Variants in PAK1 observed in about 807,000 individuals in gnomAD.
The protein encoded by PAK1 is serine/threonine-protein kinase PAK 1.
A neutral mutation model predicts 67.4 loss-of-function variants in PAK1; 29 were observed. That is an observed-to-expected ratio of 0.43 (90% CI 0.32 to 0.59). PAK1 has a LOEUF of 0.59. Ranked by LOEUF, PAK1 falls within the 20% of genes least tolerant of loss-of-function variation. PAK1 has a pLI of 0.07. For synonymous variants in PAK1, 223 were observed against 237.4 expected, an observed-to-expected ratio of 0.94 and a Z score of 0.56; for missense variants, 337 against 670.7, an observed-to-expected ratio of 0.50 and a Z score of 5.50.
At chr11:77,430,552 G>A (rs1031640441) in intron 1 of PAK1, among the ~76,000 whole-genome samples, 1 of 152,168 alleles carries the variant, frequency 6.6e-6, no homozygotes, top group African/African-American at 2.4e-5. Context: ...GGACCAATGT[G>A]ACCCACACTA....
chr11:77,490,510 G>A, the PAK1 span, among the ~76,000 whole-genome samples: 2 of 148,886 alleles, frequency 1.3e-5, no homozygotes, highest in Non-Finnish European at 3.0e-5. Context: ...GGAGGTGGGG[G>A]GTCAGCCCCA....
At chr11:77,408,515 G>A (rs1267376122) in intron 1 of PAK1, among the ~76,000 whole-genome samples, 1 of 145,440 alleles carries the variant, frequency 6.9e-6, no homozygotes, top group African/African-American at 2.6e-5. Context: ...TAAATTAGTA[G>A]AGCCACTATG....
chr11:77,416,723 G>A (rs1212511681), intron 1 of PAK1, among the ~76,000 whole-genome samples: 1 of 152,226 alleles, frequency 6.6e-6, no homozygotes, highest in Admixed American at 6.5e-5. Flanking sequence ...GGAGGCCAAG[G>A]TGGGCGGATC....
At chr11:77,510,632 C>T in the PAK1 span, among the ~76,000 whole-genome samples, 268 of 152,294 alleles carry the variant, frequency 1.8e-3, no homozygotes, top group African/African-American at 6.1e-3. Context: ...TTTGTCTCTA[C>T]GGTTGACCAA....
At chr11:77,485,554 C>T in the PAK1 span, among the ~76,000 whole-genome samples, 1 of 152,182 alleles carries the variant, frequency 6.6e-6, no homozygotes, top group Non-Finnish European at 1.5e-5. Context: ...CAGCTCACTG[C>T]AACCTCTGCC....
chr11:77,444,362 A>G (rs1010372009), intron 1 of PAK1, among the ~76,000 whole-genome samples: 2 of 151,392 alleles, frequency 1.3e-5, no homozygotes, highest in African/African-American at 4.9e-5. Flanking sequence ...TATTTGGTCC[A>G]GGGTGGGACG....
intron 9 of PAK1, among the ~76,000 whole-genome samples, chr11:77,348,882 G>C (rs2136368572): frequency 6.6e-6 from 1 of 152,226 alleles, no homozygotes; most frequent in East Asian, 1.9e-4. Flanking sequence ...CTAGCCCTTT[G>C]GGAGGCCGAG....
At chr11:77,350,902 T>A (rs984483079) in intron 8 of PAK1, among the ~76,000 whole-genome samples, 2 of 152,082 alleles carry the variant, frequency 1.3e-5, no homozygotes, top group Non-Finnish European at 2.9e-5. Context: ...CCTATCCCCA[T>A]CCCTTCCTGA....
At chr11:77,468,241 CA>C (rs1369351983) in intron 1 of PAK1, among the ~76,000 whole-genome samples, 1 of 152,154 alleles carries the variant, frequency 6.6e-6, no homozygotes, top group African/African-American at 2.4e-5. Flanking sequence ...ACTCCAGGAA[CA>C]AAAGCCAAGA....
chr11:77,441,366 T>C (rs1264807365), intron 1 of PAK1, among the ~76,000 whole-genome samples: 1 of 152,232 alleles, frequency 6.6e-6, no homozygotes, highest in East Asian at 1.9e-4. Flanking sequence ...AACCCATTTC[T>C]TTTCACTGAG....
Position 77,365,725 on chromosome 11 carries a change from C to T in PAK1, c.478-6708G>A, listed in dbSNP as rs369317256. On this transcript the variant is annotated intron_variant, in intron 5 of 14. Coordinates refer to ENST00000356341, the MANE Select transcript of PAK1 (RefSeq NM_002576.5). The stretch of plus-strand genomic sequence containing the variant: ...GCATGCACCTGAAATCCCAGCTACT[C>T]GGGCGGCTGAGGCAAGAGAATCGCC... 1.2e-4 allele frequency among the ~76,000 whole-genome samples: 18 copies of T among 152,008 alleles called. 1 individual carries two copies. In the East Asian group the frequency reaches 1.9e-3, roughly 16 times the overall value.
At chr11:77,374,140 T>A (rs186244193) in intron 5 of PAK1, among the ~76,000 whole-genome samples, 188 bp downstream of exon 5, 1 of 152,170 alleles carries the variant, frequency 6.6e-6, no homozygotes, top group Non-Finnish European at 1.5e-5. Context: ...TCTAGGACAT[T>A]AAAGCTGAAA....
rs754801495 is a variant in PAK1, at chr11:77,337,256, T to C, written c.1216+68A>G. On this transcript the variant is annotated intron_variant, in intron 12 of 14. Transcript: ENST00000356341. ...GAGTGTCGTAGTTACTATTATATGATGACCATCTCACAGGAGACAGGGCCC... is the reference window on the plus strand; with the variant it reads ...GAGTGTCGTAGTTACTATTATATGACGACCATCTCACAGGAGACAGGGCCC... 8.3e-5 allele frequency: 61 copies of C among 732,160 alleles called. No homozygotes were observed. The Middle Eastern group carries it at 1.2e-3, about 14-fold the overall frequency. 45.4% of individuals were successfully genotyped at this position (732,160 alleles called of 1,614,324 possible). A position where few individuals can be genotyped will look rare whatever the true frequency, so the allele number is the denominator to read the frequency against.
At chr11:77,482,421 G>GAT in the PAK1 span, among the ~76,000 whole-genome samples, 5 of 152,008 alleles carry the variant, frequency 3.3e-5, no homozygotes, top group Admixed American at 2.0e-4. Flanking sequence ...CCTTAAAAAA[G>GAT]ATATATATAA....
At chr11:77,348,820 A>T (rs1944812095) in intron 9 of PAK1, among the ~76,000 whole-genome samples, 1 of 152,150 alleles carries the variant, frequency 6.6e-6, no homozygotes, top group East Asian at 1.9e-4. Context: ...TGTATGCTAC[A>T]GTAAGAAACT....
intron 5 of PAK1, among the ~76,000 whole-genome samples, chr11:77,370,739 A>C (rs908679240): frequency 1.3e-5 from 2 of 152,216 alleles, no homozygotes; most frequent in Non-Finnish European, 2.9e-5. Flanking sequence ...TCTTTTCTGA[A>C]ATTAAGAAAT....
intron 1 of PAK1, among the ~76,000 whole-genome samples, chr11:77,420,323 T>G (rs1955192216): frequency 6.6e-6 from 1 of 152,202 alleles, no homozygotes; most frequent in South Asian, 2.1e-4. Context: ...TTATTGAACA[T>G]ATTCTACATG....
the PAK1 span, among the ~76,000 whole-genome samples, chr11:77,490,495 G>A: frequency 1.3e-5 from 2 of 149,046 alleles, no homozygotes; most frequent in Non-Finnish European, 3.0e-5. Context: ...CGCCCCGTCC[G>A]GGAGGGAGGT....
chr11:77,495,181 TTTAAA>T, the PAK1 span, among the ~76,000 whole-genome samples: 1 of 143,356 alleles, frequency 7.0e-6, no homozygotes, highest in Admixed American at 7.0e-5. Context: ...AAAATTTTTT[TTTAAA>T]TTAGAGGCCA....
Sources: gnomAD v4.1 joint callset for allele counts (sites outside exome capture counted in the v4.1 genomes callset) on GRCh38, gnomAD v4.1.1 for gene constraint, MANE v1.5 for transcripts, NCBI Gene and HGNC (gene_info 2026-07-23, HGNC 2026-07-21) for gene names.